The following TOP6BL variants were observed in gnomAD, a reference collection of about 807,000 sequenced individuals.
The protein encoded by TOP6BL is TOP6B like initiator of meiotic double strand breaks, also known as type 2 DNA topoisomerase 6 subunit B-like.
chr11:66,758,927 G>C, the TOP6BL span: 626 of 570,068 alleles, frequency 1.1e-3, no homozygotes, highest in Non-Finnish European at 9.8e-4. Flanking sequence ...CTCATTAGTA[G>C]TGGTCACTTT....
the TOP6BL span, chr11:66,843,446 T>C: frequency 1.4e-6 from 2 of 1,400,628 alleles, no homozygotes; most frequent in Non-Finnish European, 1.8e-6. Context: ...GCGCCGCGGG[T>C]CAGGGCGCAA....
the TOP6BL span, chr11:66,821,869 C>T: frequency 7.5e-7 from 1 of 1,327,330 alleles, no homozygotes; most frequent in Non-Finnish European, 1.0e-6. Flanking sequence ...AATGCCCCTT[C>T]CTCTCCTCTT....
the TOP6BL span, among the ~76,000 whole-genome samples, chr11:66,783,258 G>T: frequency 1.3e-5 from 2 of 152,162 alleles, no homozygotes; most frequent in Admixed American, 6.5e-5. Flanking sequence ...AGTGAGTTGG[G>T]AGGCTGAGGT....
At chr11:66,788,684 C>CT in the TOP6BL span, among the ~76,000 whole-genome samples, 1 of 152,164 alleles carries the variant, frequency 6.6e-6, no homozygotes. Flanking sequence ...CCTTACATGG[C>CT]TTTTTTTCTG....
chr11:66,760,244 T>G, the TOP6BL span, among the ~76,000 whole-genome samples: 1 of 122,992 alleles, frequency 8.1e-6, no homozygotes, highest in Non-Finnish European at 1.8e-5. Context: ...AGGTCAGGAG[T>G]TCAAGACTGG....
At chr11:66,765,768 G>A in the TOP6BL span, among the ~76,000 whole-genome samples, 15 of 152,090 alleles carry the variant, frequency 9.9e-5, no homozygotes, top group South Asian at 1.5e-3. Context: ...CACCCGCCTC[G>A]GCCTCCCAAA....
chr11:66,825,016 C>T, the TOP6BL span, among the ~76,000 whole-genome samples: 1 of 151,902 alleles, frequency 6.6e-6, no homozygotes, highest in Non-Finnish European at 1.5e-5. Flanking sequence ...CCTGAGGAAT[C>T]GCCACACTGA....
chr11:66,761,964 G>A, the TOP6BL span: 3 of 1,562,836 alleles, frequency 1.9e-6, no homozygotes, highest in Admixed American at 3.4e-5. Flanking sequence ...CTGCCCTTGC[G>A]AGGGTTCCTC....
chr11:66,794,249 T>A, the TOP6BL span, among the ~76,000 whole-genome samples: 1 of 152,150 alleles, frequency 6.6e-6, no homozygotes, highest in South Asian at 2.1e-4. Flanking sequence ...TTTTAACATA[T>A]ACCTAGTACA....
chr11:66,747,263 G>A, the TOP6BL span, among the ~76,000 whole-genome samples: 3 of 152,096 alleles, frequency 2.0e-5, no homozygotes, highest in Non-Finnish European at 4.4e-5. Flanking sequence ...AGACATCTTG[G>A]AGTCCTGTTC....
the TOP6BL span, among the ~76,000 whole-genome samples, chr11:66,785,156 A>G: frequency 6.6e-6 from 1 of 151,108 alleles, no homozygotes; most frequent in African/African-American, 2.4e-5. Flanking sequence ...ACGGGGTTTC[A>G]CCATGTTGTC....
chr11:66,791,017 T>C, the TOP6BL span, among the ~76,000 whole-genome samples: 15 of 152,334 alleles, frequency 9.8e-5, no homozygotes, highest in East Asian at 2.1e-3. Flanking sequence ...CTCATTGTTT[T>C]TGGTACTGTG....
At chr11:66,818,550 C>G in the TOP6BL span, among the ~76,000 whole-genome samples, 2 of 152,154 alleles carry the variant, frequency 1.3e-5, no homozygotes, top group Non-Finnish European at 2.9e-5. Flanking sequence ...GAAAAGACAT[C>G]AGGGTGGAAT....
the TOP6BL span, among the ~76,000 whole-genome samples, chr11:66,772,845 T>G: frequency 1.3e-5 from 2 of 152,252 alleles, no homozygotes; most frequent in Non-Finnish European, 2.9e-5. Context: ...TCTTTGTCTT[T>G]TTTTGGTACA....
chr11:66,843,244 C>G, the TOP6BL span: 1 of 1,607,814 alleles, frequency 6.2e-7, no homozygotes, highest in Non-Finnish European at 8.5e-7. Flanking sequence ...AGCCGGGTCC[C>G]CTTCCGCAAG....
chr11:66,748,871 CAAAAA>C, the TOP6BL span, among the ~76,000 whole-genome samples: 3 of 56,212 alleles, frequency 5.3e-5, no homozygotes. Context: ...TTGGCAGTAG[CAAAAA>C]AAAAAAAAAA....
chr11:66,746,433 A>G, the TOP6BL span, among the ~76,000 whole-genome samples: 1 of 151,882 alleles, frequency 6.6e-6, no homozygotes, highest in Non-Finnish European at 1.5e-5. Context: ...AAAAAAATAC[A>G]AAAATTAGCG....
the TOP6BL span, among the ~76,000 whole-genome samples, chr11:66,778,550 A>G: frequency 1.3e-5 from 2 of 152,186 alleles, no homozygotes; most frequent in African/African-American, 4.8e-5. Context: ...GACTGGCACT[A>G]CCTGACTTCA....
chr11:66,752,672 C>G, the TOP6BL span, among the ~76,000 whole-genome samples: 1 of 151,892 alleles, frequency 6.6e-6, no homozygotes, highest in South Asian at 2.1e-4. Flanking sequence ...CGGCTGGTCT[C>G]GAACTCCTGA....
Sources: allele counts gnomAD v4.1 joint callset (sites outside exome capture counted in the v4.1 genomes callset), GRCh38; gene constraint gnomAD v4.1.1; transcripts MANE v1.5; gene names NCBI Gene and HGNC (gene_info 2026-07-23, HGNC 2026-07-21).